RYR2: variants seen among roughly 807,000 people sequenced by gnomAD.
The protein encoded by RYR2 is cardiac muscle ryanodine receptor-calcium release channel.
Under a neutral mutation model 601.1 loss-of-function variants are expected in RYR2, and 227 were observed. That is an observed-to-expected ratio of 0.38 (90% confidence interval 0.34 to 0.42). The LOEUF (loss-of-function observed/expected upper bound fraction) is 0.42. Ranked by LOEUF, RYR2 falls within the 10% of genes least tolerant of loss-of-function variation. The probability of loss-of-function intolerance (pLI) is 1.00; values close to 1 mark genes in which losing one functional copy is unlikely to be tolerated. For missense variants in RYR2, 4,646 were observed against 6,156.5 expected, an observed-to-expected ratio of 0.75 and a Z score of 8.21; for synonymous variants, 2,223 against 2,175.1, an observed-to-expected ratio of 1.02 and a Z score of -0.61.
chr1:237,825,535 A>T (rs1662995336), intron 101 of RYR2, among the ~76,000 whole-genome samples: 1 of 152,214 alleles, frequency 6.6e-6, no homozygotes, highest in South Asian at 2.1e-4. Flanking sequence ...TAAAGACTTA[A>T]ACATAAGACC....
chr1:237,495,456 T>C (rs1046854396), intron 19 of RYR2, among the ~76,000 whole-genome samples: 2 of 152,210 alleles, frequency 1.3e-5, no homozygotes, highest in Non-Finnish European at 1.5e-5. Flanking sequence ...ACATATTAAA[T>C]TATGTTACCT....
At chr1:237,157,691 C>A (rs1282939425) in intron 1 of RYR2, among the ~76,000 whole-genome samples, 1 of 152,074 alleles carries the variant, frequency 6.6e-6, no homozygotes, top group African/African-American at 2.4e-5. Flanking sequence ...AAATTGATCT[C>A]ACGGAGATAG....
At chr1:237,264,168 T>C (rs190504338) in intron 1 of RYR2, among the ~76,000 whole-genome samples, 2 of 151,976 alleles carry the variant, frequency 1.3e-5, no homozygotes, top group Admixed American at 6.6e-5. Context: ...ATGTCCCCAT[T>C]ATATCCCCCT....
At chr1:237,691,449 T>G (rs1254299301) in intron 63 of RYR2, among the ~76,000 whole-genome samples, 2 of 152,172 alleles carry the variant, frequency 1.3e-5, no homozygotes, top group Non-Finnish European at 2.9e-5. Flanking sequence ...ACATTGTAAT[T>G]ATATCTCCAA....
At chr1:237,742,999 G>A (rs572912555) in intron 80 of RYR2, among the ~76,000 whole-genome samples, 37 of 152,054 alleles carry the variant, frequency 2.4e-4, no homozygotes, top group Non-Finnish European at 1.9e-4. Flanking sequence ...CTGTACTTTC[G>A]TTTTTTATGA....
intron 12 of RYR2, among the ~76,000 whole-genome samples, chr1:237,436,424 T>TGA (rs1177833755): frequency 6.8e-6 from 1 of 147,706 alleles, no homozygotes; most frequent in Non-Finnish European, 1.5e-5. Context: ...TAACTTCTCC[T>TGA]GAGAAGCCGA....
rs150144316 is a variant in RYR2, at chr1:237,444,707, A to G, written c.1171-694A>G. Among the ~76,000 whole-genome samples the G allele has an allele frequency of 2.5e-3, 384 of 152,322 alleles. 5 individuals carry two copies. The highest frequency in any genetic ancestry group is 8.6e-3 in the African/African-American group (358 of 41,572). On this transcript the variant is annotated intron_variant, in intron 13 of 104. Coordinates refer to ENST00000366574, the MANE Select transcript of RYR2 (RefSeq NM_001035.3). ...TTCTTGAGCTGGGTGTTGGTCATGC[A>G]GGAATGTTCACTTGTGAAAATCATG... is the stretch of plus-strand genomic sequence containing the variant.
At chr1:237,668,918 T>A (rs1296067055) in intron 58 of RYR2, among the ~76,000 whole-genome samples, 1 of 151,974 alleles carries the variant, frequency 6.6e-6, no homozygotes, top group Admixed American at 6.6e-5. Context: ...TGGGTGTTTC[T>A]CGCAGAGGGG....
Position 237,623,853 on chromosome 1 carries a change from A to G in RYR2, c.6005A>G (p.Asp2002Gly), listed in dbSNP as rs1196877764. Reference protein sequence around the residue: ...IRDQLLDFHEDLMTHCGIELD... With the variant: ...IRDQLLDFHEGLMTHCGIELD... ...GACCAACTATTGGATTTCCATGAAG[A>G]TTTGATGACACATTGTGGTAAGGTC... Residue 2002 changes from aspartate (D) to glycine (G), a missense_variant, in exon 39 of 105, where the codon GAT becomes GGT. Asp to Gly is a moderately conservative substitution (Grantham distance 94, BLOSUM62 -1). This residue lies in a region of RYR2 where 170 missense variants were observed against 184.5 expected (regional missense o/e 0.92). Transcript: ENST00000366574. 2 of 1,608,114 alleles carry G rather than the reference A, an allele frequency of 1.2e-6. No individual in the cohort carries two copies. Among genetic ancestry groups the G allele is most frequent in the Non-Finnish European group, 1.7e-6 (2 of 1,174,726 alleles).
intron 2 of RYR2, among the ~76,000 whole-genome samples, chr1:237,277,963 T>C (rs575539573): frequency 4.6e-5 from 7 of 152,358 alleles, no homozygotes; most frequent in African/African-American, 1.7e-4. Flanking sequence ...TTATCATGTA[T>C]ACATGTGCTA....
intron 1 of RYR2, among the ~76,000 whole-genome samples, chr1:237,123,610 A>C (rs928699732): frequency 4.0e-5 from 6 of 151,866 alleles, no homozygotes; most frequent in Non-Finnish European, 5.9e-5. Context: ...TAACAACAAA[A>C]AAGTGATGAA....
At chr1:237,437,364 A>G (rs1046238357) in intron 12 of RYR2, among the ~76,000 whole-genome samples, 8 of 152,158 alleles carry the variant, frequency 5.3e-5, no homozygotes, top group Non-Finnish European at 1.5e-5. Flanking sequence ...ATCTGGGTCT[A>G]TTTTAATATT....
intron 29 of RYR2, among the ~76,000 whole-genome samples, chr1:237,584,649 G>GTTTTTTT (rs61131096): frequency 0.01 from 730 of 72,528 alleles, 7 homozygotes; most frequent in Non-Finnish European, 0.012. Flanking sequence ...CTCACCACCT[G>GTTTTTTT]TTTTTTTTTT....
intron 80 of RYR2, among the ~76,000 whole-genome samples, chr1:237,748,295 G>A (rs1692250969): frequency 6.6e-6 from 1 of 152,164 alleles, no homozygotes; most frequent in African/African-American, 2.4e-5. Context: ...GAACAGAACA[G>A]TGCCTCCCCG....
Position 237,625,680 on chromosome 1 carries a change from T to C in RYR2, c.6042T>C (p.Asp2014=), listed in dbSNP as rs376907409. ...TACTAGGAATTGAGCTGGATGAAGA[T>C]GGGTCTCTGGATGGAAACAGTGATT... The part of the protein sequence containing the change: ...MTHCGIELDE[D]GSLDGNSDLT... Residue 2014 remains aspartate, a synonymous_variant, in exon 40 of 105, where the codon GAT becomes GAC. Transcript: ENST00000366574. 2.2e-5 allele frequency: 36 copies of C among 1,613,628 alleles called. No individual in the cohort carries two copies. Among genetic ancestry groups the C allele is most frequent in the Non-Finnish European group, 3.0e-5 (35 of 1,179,838 alleles).
intron 12 of RYR2, among the ~76,000 whole-genome samples, chr1:237,424,444 G>A (rs945528567): frequency 3.3e-5 from 5 of 152,024 alleles, no homozygotes; most frequent in African/African-American, 1.2e-4. Context: ...GTATTCAATC[G>A]CCTTTCCCAT....
rs757114988 is a variant in RYR2, at chr1:237,503,433, A to G, written c.2541A>G (p.Thr847=). 1.2e-6 allele frequency: 2 copies of G among 1,613,944 alleles called. No homozygotes were observed. Among genetic ancestry groups the G allele is most frequent in the Non-Finnish European group, 1.7e-6 (2 of 1,179,896 alleles). Residue 847 remains threonine (T), a synonymous_variant, in exon 22 of 105, where the codon ACA becomes ACG. Coordinates refer to ENST00000366574, the MANE Select transcript of RYR2 (RefSeq NM_001035.3). Reference sequence around the variant, plus strand: ...AGTACAAGCAAGAAAGAACTTACACACGCGACCTGCTGGGCCCCACAGTTT... The same window carrying G: ...AGTACAAGCAAGAAAGAACTTACACGCGCGACCTGCTGGGCCCCACAGTTT... ...SREYKQERTY[T]RDLLGPTVSL... is the part of the protein sequence containing the mutation.
At chr1:237,587,844 T>C (rs1008800348) in intron 29 of RYR2, among the ~76,000 whole-genome samples, 1 of 152,182 alleles carries the variant, frequency 6.6e-6, no homozygotes, top group East Asian at 1.9e-4. Context: ...TAACTTTCCA[T>C]GTAGGCTAGG....
At chr1:237,552,883 C>CT (rs1429918142) in intron 27 of RYR2, among the ~76,000 whole-genome samples, 3 of 151,728 alleles carry the variant, frequency 2.0e-5, no homozygotes, top group Non-Finnish European at 4.4e-5. Context: ...TATAATTAAT[C>CT]TTTCATTTCT....
Sources: gnomAD v4.1 joint callset for allele counts (sites outside exome capture counted in the v4.1 genomes callset) on GRCh38, gnomAD v4.1.1 for gene constraint, gnomAD v4.1.1 regional missense constraint, MANE v1.5 for transcripts, NCBI Gene and HGNC (gene_info 2026-07-23, HGNC 2026-07-21) for gene names.